SLC25A20: variants seen among roughly 807,000 people sequenced by gnomAD.
SLC25A20 encodes solute carrier family 25 member 20, also known as mitochondrial carnitine/acylcarnitine carrier protein.
A neutral mutation model predicts 39.7 loss-of-function variants in SLC25A20; 29 were observed. That is an observed-to-expected ratio of 0.73 (90% CI 0.54 to 1.00). The LOEUF is 1.00. Ranked by LOEUF, SLC25A20 falls within the 50% of genes least tolerant of loss-of-function variation. The pLI is 0.00. For synonymous variants in SLC25A20, 103 were observed against 142.2 expected, an observed-to-expected ratio of 0.72 and a Z score of 1.96; for missense variants, 333 against 379.9, an observed-to-expected ratio of 0.88 and a Z score of 1.03.
At chr3:48,871,538 T>C (rs1348204667) in intron 4 of SLC25A20, among the ~76,000 whole-genome samples, 1 of 151,744 alleles carries the variant, frequency 6.6e-6, no homozygotes, top group African/African-American at 2.4e-5. Context: ...GAGGCTGAGG[T>C]GGGCGGATCA....
rs188456300 is a variant in SLC25A20 at position 48,891,258 on chromosome 3, A to G, written c.198+722T>C. On this transcript the variant is annotated intron_variant, in intron 2 of 8. Coordinates refer to ENST00000319017, the MANE Select transcript of SLC25A20 (RefSeq NM_000387.6). ...CACAGCCAATTTTTGTATTTTTAGT[A>G]GAGACGGGGTTTCATGATGTTGGCC... Among the ~76,000 whole-genome samples, 435 of 152,192 alleles carry G rather than the reference A, an allele frequency of 2.9e-3. 2 individuals carry two copies. The highest frequency in any genetic ancestry group is 5.3e-3 in the Non-Finnish European group (362 of 68,014).
intron 4 of SLC25A20, among the ~76,000 whole-genome samples, chr3:48,878,019 T>C (rs2083771168): frequency 6.6e-6 from 1 of 151,920 alleles, no homozygotes; most frequent in Admixed American, 6.6e-5. Context: ...TCCCAGAACT[T>C]TGGGAGGCTG....
chr3:48,876,664 A>T (rs1401321796), intron 4 of SLC25A20, among the ~76,000 whole-genome samples: 1 of 151,210 alleles, frequency 6.6e-6, no homozygotes, highest in East Asian at 2.0e-4. Flanking sequence ...GACCTTAGTG[A>T]TCCACCCGCC....
chr3:48,893,087 T>C lies in SLC25A20; in HGVS notation c.106-1015A>G, dbSNP rs1025064707. On this transcript the variant is annotated intron_variant, in intron 1 of 8. Coordinates refer to ENST00000319017, the MANE Select transcript of SLC25A20 (RefSeq NM_000387.6). Reference sequence around the variant, plus strand: ...TGTCACTCAGGCTGGAGTGCGGCGGTGTGGTCAATAGCTCACTACAACCTT... The same window carrying C: ...TGTCACTCAGGCTGGAGTGCGGCGGCGTGGTCAATAGCTCACTACAACCTT... 2.0e-5 allele frequency among the ~76,000 whole-genome samples: 3 copies of C among 151,706 alleles called. No individual in the cohort carries two copies. The South Asian group carries it at 6.2e-4, about 32-fold the overall frequency.
intron 4 of SLC25A20, among the ~76,000 whole-genome samples, chr3:48,863,367 G>C (rs566909569): frequency 7.4e-4 from 112 of 152,238 alleles, no homozygotes; most frequent in African/African-American, 2.6e-3. Context: ...GTTAAGAAAA[G>C]GTGAACAGAA....
intron 7 of SLC25A20, among the ~76,000 whole-genome samples, chr3:48,858,837 C>G (rs1318306312): frequency 6.6e-6 from 1 of 152,210 alleles, no homozygotes; most frequent in Admixed American, 6.5e-5. Flanking sequence ...AAGAATGAAA[C>G]AGCCCTTCTG....
At chr3:48,890,800 G>A (rs948727886) in intron 2 of SLC25A20, among the ~76,000 whole-genome samples, 3 of 150,906 alleles carry the variant, frequency 2.0e-5, no homozygotes, top group East Asian at 2.0e-4. Context: ...GACTACAGGT[G>A]CCCGCCACGA....
chr3:48,879,234 G>A, intron 4 of SLC25A20, 124 bp downstream of exon 4: 1 of 813,270 alleles, frequency 1.2e-6, no homozygotes, highest in East Asian at 2.5e-5. Context: ...AAAGTGCTAG[G>A]ATTACAGGTG....
At chr3:48,892,205 G>A (rs1340248363) in intron 1 of SLC25A20, 133 bp from the exon 2 acceptor site, 2 of 725,916 alleles carry the variant, frequency 2.8e-6, no homozygotes, top group Non-Finnish European at 5.1e-6. Flanking sequence ...CACTTAACCT[G>A]CTGGATTCAA....
At chr3:48,888,426 C>T (rs970338019) in intron 2 of SLC25A20, among the ~76,000 whole-genome samples, 5 of 143,002 alleles carry the variant, frequency 3.5e-5, no homozygotes, top group African/African-American at 1.3e-4. Context: ...AAAAATTAGC[C>T]GGGCATGGTG....
At chr3:48,873,764 G>A (rs958610003) in intron 4 of SLC25A20, among the ~76,000 whole-genome samples, 4 of 149,406 alleles carry the variant, frequency 2.7e-5, no homozygotes, top group African/African-American at 7.4e-5. Flanking sequence ...CGGATCACGA[G>A]GTCAGGAGAT....
intron 4 of SLC25A20, among the ~76,000 whole-genome samples, chr3:48,872,703 A>G (rs527251014): frequency 1.3e-5 from 2 of 151,626 alleles, no homozygotes; most frequent in South Asian, 4.2e-4. Flanking sequence ...AAAAAAAAAA[A>G]AGGTGTTTAA....
chr3:48,895,271 G>T (rs1318449263), intron 1 of SLC25A20, among the ~76,000 whole-genome samples: 1 of 152,148 alleles, frequency 6.6e-6, no homozygotes, highest in Non-Finnish European at 1.5e-5. Context: ...GCCTCCCAAA[G>T]TGCTGGGATT....
In SLC25A20 at chr3:48,879,455, T is replaced by C. The variant is rs755075286; in HGVS notation, c.327-7A>G. Reference sequence around the variant, plus strand: ...TGCAAAAAGCTGGGGATAGCTGCATTGAAAACAAAAAGCAGAAGCAAGCAC... The same window carrying C: ...TGCAAAAAGCTGGGGATAGCTGCATCGAAAACAAAAAGCAGAAGCAAGCAC... On this transcript the variant is annotated splice_polypyrimidine_tract_variant and splice_region_variant and intron_variant, in intron 3 of 8. Transcript: ENST00000319017. 10 of 1,609,906 alleles carry C rather than the reference T, an allele frequency of 6.2e-6. No homozygotes were observed. The highest frequency in any genetic ancestry group is 8.5e-6 in the Non-Finnish European group (10 of 1,176,486).
At chr3:48,890,651 CTTTT>C (rs71077750) in intron 2 of SLC25A20, among the ~76,000 whole-genome samples, 4 of 78,128 alleles carry the variant, frequency 5.1e-5, no homozygotes, top group Non-Finnish European at 4.6e-5. Context: ...GCCCCCTTGT[CTTTT>C]TTTTTTTTTT....
At chr3:48,884,506 T>C (rs1288505507) in intron 2 of SLC25A20, among the ~76,000 whole-genome samples, 3 of 151,912 alleles carry the variant, frequency 2.0e-5, no homozygotes, top group South Asian at 2.1e-4. Flanking sequence ...TGCGCCACCA[T>C]GCCCACCTAA....
chr3:48,861,942 T>G (rs1297696671), intron 5 of SLC25A20, among the ~76,000 whole-genome samples: 16 of 151,998 alleles, frequency 1.1e-4, no homozygotes, highest in Admixed American at 1.0e-3. Context: ...GGAGGAGAAT[T>G]GCTTGAACCT....
At chr3:48,861,150 G>T (rs547085012) in intron 5 of SLC25A20, among the ~76,000 whole-genome samples, 1 of 152,028 alleles carries the variant, frequency 6.6e-6, no homozygotes, top group South Asian at 2.1e-4. Context: ...TAGAGACAGG[G>T]TATCACTATT....
chr3:48,872,935 A>G (rs2083727473), intron 4 of SLC25A20, among the ~76,000 whole-genome samples: 1 of 152,160 alleles, frequency 6.6e-6, no homozygotes, highest in Non-Finnish European at 1.5e-5. Flanking sequence ...AATAAAACCT[A>G]TAGAAGGCCC....
Sources: allele counts gnomAD v4.1 joint callset (sites outside exome capture counted in the v4.1 genomes callset), GRCh38; gene constraint gnomAD v4.1.1; transcripts MANE v1.5; gene names NCBI Gene and HGNC (gene_info 2026-07-23, HGNC 2026-07-21).